The following SLC35F3 variants were observed in gnomAD, a reference collection of about 807,000 sequenced individuals.
SLC35F3 encodes the protein putative thiamine transporter SLC35F3.
SLC35F3 carries 25 observed loss-of-function variants against 49.9 expected under a neutral mutation model. The ratio of observed to expected loss-of-function variants is 0.50; its 90% CI spans 0.37 to 0.70. SLC35F3 has a LOEUF of 0.70. Ranked by LOEUF, SLC35F3 falls within the 30% of genes least tolerant of loss-of-function variation. The pLI, the probability that SLC35F3 is intolerant of heterozygous loss-of-function variation, is 0.00. For missense variants in SLC35F3, 525 were observed against 639.8 expected (o/e 0.82, Z 1.94); for synonymous variants, 275 against 265.4 (o/e 1.04, Z -0.35).
In SLC35F3 at chr1:233,957,873, C is replaced by G. The variant is rs147236302; in HGVS notation, c.283+52115C>G. ...CTTGTGGTTTTATGAGATGGCTGGG[C>G]TCAGCTGGGCAGCTCTTCTGCTGGT... On this transcript the variant is annotated intron_variant, in intron 2 of 7. Transcript: ENST00000366618. This position sits in a 1 kb window ranked among gnomAD's most constrained non-coding sequence, Gnocchi z 4.0. Among the ~76,000 whole-genome samples, 1 of 152,256 alleles carries G rather than the reference C, an allele frequency of 6.6e-6. No homozygotes were observed. Among genetic ancestry groups the G allele is most frequent in the Non-Finnish European group, 1.5e-5 (1 of 68,022 alleles).
At chr1:234,212,436 T>C (rs1315735453) in intron 2 of SLC35F3, among the ~76,000 whole-genome samples, 1 of 152,226 alleles carries the variant, frequency 6.6e-6, no homozygotes, top group Non-Finnish European at 1.5e-5. Flanking sequence ...ATTTTTGCAT[T>C]TTATCTCTCC....
At chr1:234,229,490 G>C (rs951655007) in intron 2 of SLC35F3, among the ~76,000 whole-genome samples, 1 of 152,206 alleles carries the variant, frequency 6.6e-6, no homozygotes, top group Non-Finnish European at 1.5e-5. Context: ...AAGCTATGCA[G>C]CATCACTGCC....
intron 2 of SLC35F3, among the ~76,000 whole-genome samples, chr1:234,007,842 A>AAT (rs1175118878): frequency 6.6e-6 from 1 of 152,218 alleles, no homozygotes; most frequent in Non-Finnish European, 1.5e-5. Context: ...ATTTCCCAGG[A>AAT]ATATGTACAT....
chr1:234,170,510 A>G (rs1375451943), intron 2 of SLC35F3, among the ~76,000 whole-genome samples: 1 of 150,290 alleles, frequency 6.7e-6, no homozygotes. Context: ...GGCAGACCCC[A>G]GGGTGTAGAG....
At chr1:234,090,684 G>T (rs1222422503) in intron 2 of SLC35F3, among the ~76,000 whole-genome samples, 1 of 152,170 alleles carries the variant, frequency 6.6e-6, no homozygotes, top group East Asian at 1.9e-4. Flanking sequence ...GGAGTTTTTG[G>T]CTCTCTGACA....
chr1:234,254,643 A>G (rs1667788462), intron 3 of SLC35F3, among the ~76,000 whole-genome samples: 1 of 152,242 alleles, frequency 6.6e-6, no homozygotes. Context: ...TGTAAAAGAT[A>G]CTATAAAGAA....
intron 2 of SLC35F3, among the ~76,000 whole-genome samples, chr1:234,030,736 G>A (rs945791684): frequency 6.6e-6 from 1 of 152,168 alleles, no homozygotes; most frequent in Non-Finnish European, 1.5e-5. Flanking sequence ...TCAACATGAT[G>A]TGAATTCATG....
chr1:234,262,311 T>C (rs1224800899), intron 3 of SLC35F3, among the ~76,000 whole-genome samples: 1 of 152,238 alleles, frequency 6.6e-6, no homozygotes, highest in Non-Finnish European at 1.5e-5. Flanking sequence ...AGATATTTCT[T>C]CTTGTGAGCC....
intron 2 of SLC35F3, among the ~76,000 whole-genome samples, chr1:234,031,422 C>G (rs1664060296): frequency 6.6e-6 from 1 of 152,200 alleles, no homozygotes; most frequent in Admixed American, 6.5e-5. Context: ...GCTACTGATG[C>G]CATAGAATGG....
chr1:234,182,577 G>A (rs1004958995), intron 2 of SLC35F3, among the ~76,000 whole-genome samples: 8 of 152,134 alleles, frequency 5.3e-5, no homozygotes, highest in Admixed American at 1.3e-4. Flanking sequence ...TCTTGAGATC[G>A]ATTGCCAGAA....
chr1:234,116,106 T>G (rs2102890222), intron 2 of SLC35F3, among the ~76,000 whole-genome samples: 1 of 152,330 alleles, frequency 6.6e-6, no homozygotes, highest in East Asian at 1.9e-4. Context: ...GAATAGTCAA[T>G]TATGTATTTG....
At chr1:233,929,847 T>C (rs1662214650) in intron 2 of SLC35F3, among the ~76,000 whole-genome samples, 1 of 152,158 alleles carries the variant, frequency 6.6e-6, no homozygotes, top group African/African-American at 2.4e-5. Context: ...AGAATAAGTT[T>C]CTTGTAAAGG....
At position 233,973,607 on chromosome 1, in the gene SLC35F3, G is replaced by A. The variant is rs1204797826; in HGVS notation, c.283+67849G>A. On this transcript the variant is annotated intron_variant, in intron 2 of 7. Transcript: ENST00000366618. ...CTTATGAGTTAGATGAGAGGCTGAA[G>A]TCTGTAGGTACAATTTATAACCGAC... 2.0e-5 allele frequency among the ~76,000 whole-genome samples: 3 copies of A among 152,210 alleles called. No individual in the cohort carries two copies. The East Asian group carries it at 5.8e-4, about 29-fold the overall frequency.
At chr1:234,259,250 C>T (rs938022375) in intron 3 of SLC35F3, among the ~76,000 whole-genome samples, 5 of 152,194 alleles carry the variant, frequency 3.3e-5, no homozygotes, top group African/African-American at 7.2e-5. Flanking sequence ...ACCTTCTATT[C>T]GTACATTCTA....
intron 2 of SLC35F3, among the ~76,000 whole-genome samples, chr1:234,055,414 C>T (rs1029766266): frequency 6.6e-6 from 1 of 152,160 alleles, no homozygotes; most frequent in African/African-American, 2.4e-5. Context: ...GACTGCTGTG[C>T]TAGCAGTGAG....
At chr1:233,953,623 T>A (rs1490050063) in intron 2 of SLC35F3, among the ~76,000 whole-genome samples, 1 of 152,234 alleles carries the variant, frequency 6.6e-6, no homozygotes, top group Non-Finnish European at 1.5e-5. Context: ...CCTTGGCTGA[T>A]GGCATCTGTT....
chr1:234,181,643 C>T (rs867272704), intron 2 of SLC35F3, among the ~76,000 whole-genome samples: 42 of 152,114 alleles, frequency 2.8e-4, no homozygotes, highest in Middle Eastern at 6.8e-3. Flanking sequence ...GAGAATTTTC[C>T]ACAGTGTGAA....
At chr1:234,193,812 G>C (rs1666764941) in intron 2 of SLC35F3, among the ~76,000 whole-genome samples, 1 of 152,010 alleles carries the variant, frequency 6.6e-6, no homozygotes, top group African/African-American at 2.4e-5. Flanking sequence ...CTCAAAAGAA[G>C]ATATACAAAT....
chr1:234,221,481 A>G (rs1048990388), intron 2 of SLC35F3, among the ~76,000 whole-genome samples: 2 of 152,232 alleles, frequency 1.3e-5, no homozygotes, highest in Admixed American at 6.5e-5. Flanking sequence ...AATCATGAAG[A>G]TGCAGAGGAG....
Sources: gnomAD v4.1 joint callset for allele counts (sites outside exome capture counted in the v4.1 genomes callset) on GRCh38, gnomAD v4.1.1 for gene constraint, Gnocchi (gnomAD v3.1) non-coding constraint, MANE v1.5 for transcripts, NCBI Gene and HGNC (gene_info 2026-07-23, HGNC 2026-07-21) for gene names.